PCDH15: variants seen among roughly 807,000 people sequenced by gnomAD.
PCDH15 encodes protocadherin related 15, also known as protocadherin-15.
Under a neutral mutation model 178.5 loss-of-function variants are expected in PCDH15, and 129 were observed. The observed-to-expected ratio is 0.72, with a 90% CI of 0.63 to 0.84. The LOEUF (loss-of-function observed/expected upper bound fraction) is 0.84, where lower values mean the gene tolerates loss of function less well. Among genes scored for constraint, PCDH15 ranks in the 40% least tolerant of loss-of-function variants. PCDH15 has a pLI of 0.00. For missense variants in PCDH15, 2,230 were observed against 2,099.9 expected (o/e 1.06, Z -1.21); for synonymous variants, 800 against 732.0 (o/e 1.09, Z -1.50).
At position 55,225,834 on chromosome 10, in the gene PCDH15, T is replaced by A. The variant is rs1157680665; in HGVS notation, c.-155-59183A>T. 2.6e-5 allele frequency among the ~76,000 whole-genome samples: 4 copies of A among 152,068 alleles called. 1 individual carries two copies. The highest frequency in any genetic ancestry group is 9.7e-5 in the African/African-American group (4 of 41,342). ...CCCCTGTACACGTTTACTGTTTAAG[T>A]AAAGAGAGAAAATTTACTCCTTTGC... On this transcript the variant is annotated intron_variant, in intron 1 of 5. Transcript: ENST00000458638.
chr10:54,434,045 G>A (rs7090335), intron 3 of PCDH15, among the ~76,000 whole-genome samples: 4 of 151,930 alleles, frequency 2.6e-5, no homozygotes, highest in African/African-American at 9.7e-5. Flanking sequence ...AGGCTAAAAT[G>A]TGTTTAACAA....
intron 2 of PCDH15, among the ~76,000 whole-genome samples, chr10:55,107,457 T>A (rs907620139): frequency 1.5e-4 from 22 of 149,684 alleles, no homozygotes; most frequent in African/African-American, 5.4e-4. Flanking sequence ...TAGAAATAGA[T>A]AAAATACAAT....
intron 2 of PCDH15, among the ~76,000 whole-genome samples, chr10:55,556,001 T>C (rs540047285): frequency 1.3e-5 from 2 of 152,252 alleles, no homozygotes; most frequent in South Asian, 4.1e-4. Flanking sequence ...TTCTAAAATA[T>C]ATTTTTTGCA....
At chr10:54,792,460 GGGTGTGCCTGTAAA>G (rs1401198365) in intron 1 of PCDH15, among the ~76,000 whole-genome samples, 1 of 151,942 alleles carries the variant, frequency 6.6e-6, no homozygotes, top group Non-Finnish European at 1.5e-5. Context: ...ACATTATTCT[GGGTGTGCCTGTAAA>G]GGTGTTTCTG....
At chr10:54,767,525 C>G (rs1948653768) in intron 1 of PCDH15, among the ~76,000 whole-genome samples, 1 of 151,928 alleles carries the variant, frequency 6.6e-6, no homozygotes. Flanking sequence ...AACTTCTTTC[C>G]TAAGAGTACA....
At chr10:53,853,359 A>G (rs190150211) in intron 28 of PCDH15, among the ~76,000 whole-genome samples, 1 of 152,054 alleles carries the variant, frequency 6.6e-6, no homozygotes, top group African/African-American at 2.4e-5. Context: ...ACTGGATTTG[A>G]CAACGATTTA....
chr10:54,200,878 A>C (rs886074470), intron 10 of PCDH15, among the ~76,000 whole-genome samples: 1 of 152,116 alleles, frequency 6.6e-6, no homozygotes, highest in Non-Finnish European at 1.5e-5. Flanking sequence ...TCACACCTTA[A>C]AAATGTCAGT....
intron 15 of PCDH15, among the ~76,000 whole-genome samples, chr10:54,109,112 G>A (rs1469660700): frequency 1.3e-5 from 2 of 152,014 alleles, no homozygotes; most frequent in Non-Finnish European, 2.9e-5. Flanking sequence ...TTCTGCTTGA[G>A]AAAACTCTTG....
intron 1 of PCDH15, among the ~76,000 whole-genome samples, chr10:55,224,871 C>T (rs1048131876): frequency 6.6e-6 from 1 of 151,972 alleles, no homozygotes; most frequent in African/African-American, 2.4e-5. Flanking sequence ...TGTTGTTTAC[C>T]CTGCCTGTTT....
intron 2 of PCDH15, among the ~76,000 whole-genome samples, chr10:55,399,967 C>A (rs1838024714): frequency 6.6e-6 from 1 of 152,146 alleles, no homozygotes; most frequent in Non-Finnish European, 1.5e-5. Context: ...ATTCTTCCAA[C>A]TTTTCAACAT....
rs989677217 is a variant in PCDH15 at position 54,763,990 on chromosome 10, AT to A, written c.-29+36934del. Among the ~76,000 whole-genome samples, 94 of 151,852 alleles carry A rather than the reference AT, an allele frequency of 6.2e-4. 1 individual carries two copies. The highest frequency in any genetic ancestry group is 2.2e-3 in the African/African-American group (90 of 41,456). ...ATCTAATTTTTAAAAGTAAAAAGGG[AT>A]TTTTTTAATCGACTCGAAGAAGAAA... On this transcript the variant is annotated intron_variant, in intron 1 of 37. Coordinates refer to ENST00000644397, the MANE Select transcript of PCDH15 (RefSeq NM_001384140.1).
intron 1 of PCDH15, among the ~76,000 whole-genome samples, chr10:55,190,949 G>T (rs1461096370): frequency 6.6e-6 from 1 of 151,546 alleles, no homozygotes; most frequent in Non-Finnish European, 1.5e-5. Flanking sequence ...GCAGTCTGTT[G>T]TATTTAATAT....
Position 55,335,538 on chromosome 10 carries a change from G to A in PCDH15, c.-155-168887C>T, listed in dbSNP as rs114699439. ...ATCAGCTATCAGAGGTCAGCATGACGTAGGGATAATTGCTAGTAATTTGCT... is the reference window on the plus strand; with the variant it reads ...ATCAGCTATCAGAGGTCAGCATGACATAGGGATAATTGCTAGTAATTTGCT... On this transcript the variant is annotated intron_variant, in intron 2 of 5. Transcript: ENST00000613346. 3.8e-3 allele frequency among the ~76,000 whole-genome samples: 571 copies of A among 152,258 alleles called. 7 individuals carry two copies. Among genetic ancestry groups the A allele is most frequent in the African/African-American group, 0.013 (526 of 41,550 alleles).
intron 21 of PCDH15, among the ~76,000 whole-genome samples, chr10:53,990,466 GAAGTCTTAA>G (rs2091389766): frequency 6.7e-6 from 1 of 149,506 alleles, no homozygotes; most frequent in Non-Finnish European, 1.5e-5. Context: ...CCTGAAAAAA[GAAGTCTTAA>G]AAGTCTACAT....
At chr10:54,174,491 C>G (rs2047222647) in intron 13 of PCDH15, among the ~76,000 whole-genome samples, 1 of 151,366 alleles carries the variant, frequency 6.6e-6, no homozygotes, top group Non-Finnish European at 1.5e-5. Flanking sequence ...GCTGAGATCG[C>G]ACCACTGCAC....
chr10:55,049,651 A>T (rs896151100), intron 2 of PCDH15, among the ~76,000 whole-genome samples: 12 of 152,040 alleles, frequency 7.9e-5, no homozygotes, highest in Admixed American at 2.0e-4. Flanking sequence ...AGGTAATAAC[A>T]TATTGACCAA....
At chr10:54,225,883 T>C (rs1221744809) in intron 9 of PCDH15, among the ~76,000 whole-genome samples, 1 of 152,214 alleles carries the variant, frequency 6.6e-6, no homozygotes, top group East Asian at 1.9e-4. Context: ...TGTCTCTGTA[T>C]GTTTTAGGGA....
At chr10:55,544,996 G>T (rs1841847083) in intron 2 of PCDH15, among the ~76,000 whole-genome samples, 1 of 152,054 alleles carries the variant, frequency 6.6e-6, no homozygotes, top group Non-Finnish European at 1.5e-5. Context: ...AACTCCTCAA[G>T]AAACACTTTA....
At chr10:55,065,134 A>G (rs78536933) in intron 2 of PCDH15, among the ~76,000 whole-genome samples, 2 of 152,058 alleles carry the variant, frequency 1.3e-5, no homozygotes, top group African/African-American at 4.8e-5. Flanking sequence ...AAAATAGAAG[A>G]CAAATAATGT....
Sources: gnomAD v4.1 joint callset for allele counts (sites outside exome capture counted in the v4.1 genomes callset) on GRCh38, gnomAD v4.1.1 for gene constraint, MANE v1.5 for transcripts, NCBI Gene and HGNC (gene_info 2026-07-23, HGNC 2026-07-21) for gene names.